The following SH3GL3 variants were observed in gnomAD, a reference collection of about 807,000 sequenced individuals.
SH3GL3 encodes SH3 domain containing GRB2 like 3, endophilin A3.
SH3GL3 carries 33 observed loss-of-function variants against 47.7 expected under a neutral mutation model. That is an observed-to-expected ratio of 0.69 (90% CI 0.52 to 0.92). The LOEUF (loss-of-function observed/expected upper bound fraction) is 0.92, where lower values mean the gene tolerates loss of function less well. Among genes scored for constraint, SH3GL3 ranks in the 40% least tolerant of loss-of-function variants. The probability of loss-of-function intolerance (pLI) is 0.00; values close to 1 mark genes in which losing one functional copy is unlikely to be tolerated. For missense variants in SH3GL3, 363 were observed against 417.8 expected, an observed-to-expected ratio of 0.87 and a Z score of 1.14; for synonymous variants, 155 against 148.8, an observed-to-expected ratio of 1.04 and a Z score of -0.30.
intron 8 of SH3GL3, among the ~76,000 whole-genome samples, chr15:83,613,084 G>GA (rs1372061988): frequency 6.6e-6 from 1 of 152,224 alleles, no homozygotes. Context: ...GACCCAGAAT[G>GA]AAAAATGCAT....
the SH3GL3 span, among the ~76,000 whole-genome samples, chr15:83,633,753 A>G: frequency 6.6e-6 from 1 of 152,172 alleles, no homozygotes; most frequent in Non-Finnish European, 1.5e-5. Flanking sequence ...TGTTTCCCTT[A>G]AATCTGGAAG....
Position 83,588,790 on chromosome 15 carries a change from T to C in SH3GL3, c.838+19T>C. Reference sequence around the variant, plus strand: ...ACGACAGGTAAGTTGACCATTCTAATATGCTAAGTGTGCCTTTAGTAAAGC... The same window carrying C: ...ACGACAGGTAAGTTGACCATTCTAACATGCTAAGTGTGCCTTTAGTAAAGC... On this transcript the variant is annotated intron_variant, in intron 8 of 8. Transcript: ENST00000427482. The C allele has an allele frequency of 2.3e-6, 3 of 1,308,572 alleles. No homozygotes were observed. The highest frequency in any genetic ancestry group is 3.3e-6 in the Non-Finnish European group (3 of 901,104). The allele number at this position is 1,308,572 out of a possible 1,614,324, so 81.1% of individuals were successfully genotyped here.
At chr15:83,521,626 G>C (rs937371187) in intron 1 of SH3GL3, among the ~76,000 whole-genome samples, 9 of 152,168 alleles carry the variant, frequency 5.9e-5, no homozygotes, top group Non-Finnish European at 1.0e-4. Flanking sequence ...GGAAGCCTGA[G>C]AAATGTAGAT....
At chr15:83,556,951 A>C (rs1343722237) in intron 1 of SH3GL3, among the ~76,000 whole-genome samples, 1 of 152,226 alleles carries the variant, frequency 6.6e-6, no homozygotes, top group Non-Finnish European at 1.5e-5. Flanking sequence ...AAGGCAGCCC[A>C]GACTTGGTCA....
intron 4 of SH3GL3, among the ~76,000 whole-genome samples, chr15:83,569,902 T>G (rs879267367): frequency 2.2e-4 from 34 of 152,216 alleles, no homozygotes; most frequent in African/African-American, 7.5e-4. Context: ...GTCAGGATAT[T>G]TGCTCATTGG....
At chr15:83,524,134 A>G (rs1307164880) in intron 1 of SH3GL3, among the ~76,000 whole-genome samples, 1 of 152,182 alleles carries the variant, frequency 6.6e-6, no homozygotes, top group African/African-American at 2.4e-5. Context: ...TGGATACTAT[A>G]CGCAGGGAGC....
chr15:83,626,390 A>C, the SH3GL3 span, among the ~76,000 whole-genome samples: 1 of 152,286 alleles, frequency 6.6e-6, no homozygotes, highest in Non-Finnish European at 1.5e-5. Context: ...CCACGCCATG[A>C]CTTTAGTGAT....
chr15:83,613,345 A>G (rs1235978898), intron 8 of SH3GL3, among the ~76,000 whole-genome samples: 4 of 152,168 alleles, frequency 2.6e-5, no homozygotes, highest in Non-Finnish European at 5.9e-5. Flanking sequence ...ATGGAGTGTG[A>G]TATGAGTGCT....
intron 1 of SH3GL3, among the ~76,000 whole-genome samples, chr15:83,465,650 A>G (rs1325232006): frequency 6.6e-6 from 1 of 152,028 alleles, no homozygotes; most frequent in Admixed American, 6.5e-5. Context: ...TCCTTTTAAG[A>G]GAGGGCTTCC....
At chr15:83,463,586 TA>T (rs1234499325) in intron 1 of SH3GL3, among the ~76,000 whole-genome samples, 1 of 152,072 alleles carries the variant, frequency 6.6e-6, no homozygotes, top group Non-Finnish European at 1.5e-5. Flanking sequence ...AATTAGGAGA[TA>T]ATTTTCTCTG....
the SH3GL3 span, among the ~76,000 whole-genome samples, chr15:83,631,597 A>G: frequency 9.9e-5 from 15 of 152,112 alleles, no homozygotes; most frequent in Non-Finnish European, 2.1e-4. Flanking sequence ...TGGGGCTTGC[A>G]CCCTCTGAAG....
intron 1 of SH3GL3, among the ~76,000 whole-genome samples, chr15:83,558,337 G>A (rs549565989): frequency 7.9e-5 from 12 of 152,124 alleles, no homozygotes; most frequent in South Asian, 4.1e-4. Context: ...TGGGCGTTGC[G>A]TAACTTTCAG....
intron 1 of SH3GL3, among the ~76,000 whole-genome samples, chr15:83,503,510 T>A (rs567551860): frequency 6.6e-6 from 1 of 152,364 alleles, no homozygotes; most frequent in Admixed American, 6.5e-5. Flanking sequence ...GTTTGCTGTC[T>A]CAGATTATGA....
intron 1 of SH3GL3, among the ~76,000 whole-genome samples, chr15:83,546,204 G>A (rs1005495859): frequency 5.9e-5 from 9 of 151,510 alleles, no homozygotes; most frequent in Middle Eastern, 3.4e-3. Flanking sequence ...GAGTCTGCTT[G>A]ATGCTTTACT....
intron 8 of SH3GL3, among the ~76,000 whole-genome samples, chr15:83,599,826 C>T (rs1306410808): frequency 6.6e-6 from 1 of 152,084 alleles, no homozygotes; most frequent in Non-Finnish European, 1.5e-5. Flanking sequence ...TAGAAATGTT[C>T]CCTTTTCACC....
At position 83,579,877 on chromosome 15, in the gene SH3GL3, G is replaced by T. The variant is rs17158809; in HGVS notation, c.624+3136G>T. On this transcript the variant is annotated intron_variant, in intron 6 of 8. Coordinates refer to ENST00000427482, the MANE Select transcript of SH3GL3 (RefSeq NM_003027.5). ...AGTGTGTCTGTGCCATAGCCAGGTG[G>T]TCTGACCATCCTCTCCTGTTGACCA... Among the ~76,000 whole-genome samples, 1,265 of 152,232 alleles carry T rather than the reference G, an allele frequency of 8.3e-3. 20 individuals carry two copies. Among genetic ancestry groups the T allele is most frequent in the African/African-American group, 0.03 (1,234 of 41,536 alleles).
At chr15:83,558,484 C>CGTGTGTGTGTGT (rs567095440) in intron 1 of SH3GL3, among the ~76,000 whole-genome samples, 1 of 72,698 alleles carries the variant, frequency 1.4e-5, no homozygotes, top group Non-Finnish European at 2.8e-5. Context: ...TTGTTACAAC[C>CGTGTGTGTGTGT]GTGTGTGTGT....
At chr15:83,572,290 A>G (rs1005765517) in intron 4 of SH3GL3, among the ~76,000 whole-genome samples, 6 of 152,200 alleles carry the variant, frequency 3.9e-5, no homozygotes, top group Non-Finnish European at 8.8e-5. Context: ...AAGGATCTTT[A>G]TCCCCATCTA....
chr15:83,594,489 A>G (rs746083174), intron 8 of SH3GL3, among the ~76,000 whole-genome samples: 1 of 152,164 alleles, frequency 6.6e-6, no homozygotes, highest in Non-Finnish European at 1.5e-5. Flanking sequence ...ACATATATTT[A>G]TATTAGCTAA....
Sources: gnomAD v4.1 joint callset for allele counts (sites outside exome capture counted in the v4.1 genomes callset) on GRCh38, gnomAD v4.1.1 for gene constraint, MANE v1.5 for transcripts, NCBI Gene and HGNC (gene_info 2026-07-23, HGNC 2026-07-21) for gene names.